The following CYP2C19 variants were observed in gnomAD, a reference collection of about 807,000 sequenced individuals.
The protein encoded by CYP2C19 is cytochrome P450 family 2 subfamily C member 19.
CYP2C19 carries 59 observed loss-of-function variants against 40.9 expected under a neutral mutation model. The ratio of observed to expected loss-of-function variants is 1.44; its 90% CI spans 1.17 to 1.79. CYP2C19 has a LOEUF of 1.79. CYP2C19 is among the 40% of genes most tolerant of loss of function. The pLI is 0.00. For missense variants in CYP2C19, 754 were observed against 596.9 expected (o/e 1.26, Z -2.74); for synonymous variants, 253 against 208.7 (o/e 1.21, Z -1.83).
chr10:94,825,923 T>C (rs61886248), intron 6 of CYP2C19, among the ~76,000 whole-genome samples: 3 of 151,824 alleles, frequency 2.0e-5, no homozygotes, highest in Non-Finnish European at 4.4e-5. Flanking sequence ...GAATCCTTTC[T>C]CCATTGCTTG....
intron 5 of CYP2C19, among the ~76,000 whole-genome samples, chr10:94,797,549 A>G (rs888831927): frequency 3.9e-5 from 6 of 151,962 alleles, no homozygotes; most frequent in African/African-American, 1.4e-4. Flanking sequence ...GGTTGGTATA[A>G]TTTCAGAAGG....
rs1265908786 is a variant in CYP2C19, at chr10:94,850,014, G to T, written c.1247G>T (p.Gly416Val). ...MFDPRHFLDE[G>V]GNFKKSNYFM... Reference sequence around the variant, plus strand: ...GACCCTCGTCACTTTCTGGATGAAGGTGGAAATTTTAAGAAAAGTAACTAC... The same window carrying T: ...GACCCTCGTCACTTTCTGGATGAAGTTGGAAATTTTAAGAAAAGTAACTAC... The change falls in exon 8 of 9, where the codon GGT (glycine) becomes GTT (valine). Residue 416 changes from glycine (G) to valine (V), a missense_variant. Coordinates refer to ENST00000371321, the MANE Select transcript of CYP2C19 (RefSeq NM_000769.4). 6.2e-7 allele frequency: 1 copy of T among 1,613,678 alleles called. No individual in the cohort carries two copies.
At chr10:94,801,626 G>T (rs1848766720) in intron 5 of CYP2C19, among the ~76,000 whole-genome samples, 1 of 152,144 alleles carries the variant, frequency 6.6e-6, no homozygotes, top group African/African-American at 2.4e-5. Flanking sequence ...CCAGAGCTGT[G>T]TTCAAGTCCT....
chr10:94,794,687 T>A (rs1848657645), intron 5 of CYP2C19, among the ~76,000 whole-genome samples: 1 of 152,162 alleles, frequency 6.6e-6, no homozygotes, highest in African/African-American at 2.4e-5. Context: ...AGTTCACTCA[T>A]GATTTGGCTC....
At chr10:94,828,892 G>A (rs371773204) in intron 6 of CYP2C19, among the ~76,000 whole-genome samples, 2 of 152,042 alleles carry the variant, frequency 1.3e-5, no homozygotes, top group Non-Finnish European at 2.9e-5. Flanking sequence ...TTGCTTGTCT[G>A]TAAAGGATTT....
At chr10:94,848,659 A>G in intron 7 of CYP2C19, among the ~76,000 whole-genome samples, 1 of 152,134 alleles carries the variant, frequency 6.6e-6, no homozygotes, top group Non-Finnish European at 1.5e-5. Context: ...TCTATAAATT[A>G]CCTTGGGCAG....
At chr10:94,778,507 CAT>C (rs370671642) in intron 3 of CYP2C19, among the ~76,000 whole-genome samples, 61 of 152,140 alleles carry the variant, frequency 4.0e-4, no homozygotes, top group African/African-American at 1.3e-3. Flanking sequence ...GGCCAACAAA[CAT>C]ATGAAAAAAA....
At chr10:94,798,852 T>A (rs2134251297) in intron 5 of CYP2C19, among the ~76,000 whole-genome samples, 1 of 137,044 alleles carries the variant, frequency 7.3e-6, no homozygotes, top group African/African-American at 2.7e-5. Flanking sequence ...GTCTATTTGC[T>A]TGGTAGATCT....
chr10:94,846,483 G>A (rs1028454726), intron 7 of CYP2C19, among the ~76,000 whole-genome samples: 1 of 152,124 alleles, frequency 6.6e-6, no homozygotes, highest in Non-Finnish European at 1.5e-5. Context: ...CTGCTTTTAT[G>A]TGTAAATGAT....
intron 6 of CYP2C19, among the ~76,000 whole-genome samples, chr10:94,827,684 G>A (rs984792106): frequency 3.9e-5 from 6 of 152,112 alleles, no homozygotes; most frequent in African/African-American, 1.4e-4. Context: ...TTTGATTTTA[G>A]TTATTTGTTG....
At chr10:94,822,312 A>G (rs1849136943) in intron 6 of CYP2C19, among the ~76,000 whole-genome samples, 1 of 152,184 alleles carries the variant, frequency 6.6e-6, no homozygotes, top group Non-Finnish European at 1.5e-5. Context: ...TCACAAGAAC[A>G]GCATGGGAAC....
At chr10:94,815,876 G>C (rs1415929494) in intron 5 of CYP2C19, among the ~76,000 whole-genome samples, 1 of 152,144 alleles carries the variant, frequency 6.6e-6, no homozygotes, top group South Asian at 2.1e-4. Flanking sequence ...TTGAGTCCAT[G>C]TACCTTTCTG....
At chr10:94,783,497 T>C (rs1848504074) in intron 5 of CYP2C19, among the ~76,000 whole-genome samples, 1 of 152,176 alleles carries the variant, frequency 6.6e-6, no homozygotes, top group Non-Finnish European at 1.5e-5. Context: ...TCAGATACCG[T>C]GTAAACATCA....
intron 6 of CYP2C19, among the ~76,000 whole-genome samples, chr10:94,834,300 G>A (rs1291540780): frequency 2.0e-5 from 3 of 152,044 alleles, no homozygotes; most frequent in Admixed American, 6.5e-5. Context: ...GTTGCTCATA[G>A]TAACCACTAA....
intron 5 of CYP2C19, among the ~76,000 whole-genome samples, chr10:94,784,953 A>G (rs1564664259): frequency 6.6e-6 from 1 of 152,066 alleles, no homozygotes; most frequent in African/African-American, 2.4e-5. Context: ...ATATACTGTT[A>G]CCCATTTGTA....
rs113952949 is a variant in CYP2C19, at chr10:94,801,135, C to G, written c.819+19138C>G. On this transcript the variant is annotated intron_variant, in intron 5 of 8. Coordinates refer to ENST00000371321, the MANE Select transcript of CYP2C19 (RefSeq NM_000769.4). ...TGGGAGCTGCAGACCAGAGCTGTTC[C>G]TATTTGGCCATCTTGCCACTAAATC... Among the ~76,000 whole-genome samples, 395 of 152,282 alleles carry G rather than the reference C, an allele frequency of 2.6e-3. 2 individuals are homozygous for G. The highest frequency in any genetic ancestry group is 8.3e-3 in the African/African-American group (347 of 41,574).
chr10:94,809,524 T>C (rs558736129), intron 5 of CYP2C19, among the ~76,000 whole-genome samples: 25 of 152,252 alleles, frequency 1.6e-4, no homozygotes, highest in African/African-American at 5.8e-4. Context: ...AAATTTGATT[T>C]TCTCTCTTCC....
At chr10:94,777,024 C>G (rs887951134) in intron 3 of CYP2C19, among the ~76,000 whole-genome samples, 2 of 151,990 alleles carry the variant, frequency 1.3e-5, no homozygotes, top group Non-Finnish European at 1.5e-5. Flanking sequence ...AGCAGACAGT[C>G]AAATAATGAG....
chr10:94,794,011 G>T (rs1235084682), intron 5 of CYP2C19, among the ~76,000 whole-genome samples: 1 of 152,128 alleles, frequency 6.6e-6, no homozygotes, highest in Non-Finnish European at 1.5e-5. Context: ...TCTCCACCCA[G>T]TTCGAGCTTC....
Sources: allele counts gnomAD v4.1 joint callset (sites outside exome capture counted in the v4.1 genomes callset), GRCh38; gene constraint gnomAD v4.1.1; transcripts MANE v1.5; gene names NCBI Gene and HGNC (gene_info 2026-07-23, HGNC 2026-07-21).